The following LUZP2 variants were observed in gnomAD, a reference collection of about 807,000 sequenced individuals.
The protein encoded by LUZP2 is leucine zipper protein 2.
Under a neutral mutation model 51.6 loss-of-function variants are expected in LUZP2, and 52 were observed. That is an observed-to-expected ratio of 1.01 (90% CI 0.81 to 1.27). LUZP2 has a LOEUF of 1.27. Ranked by LOEUF, LUZP2 falls within the 50% of genes most tolerant of loss-of-function variation. The pLI, the probability that LUZP2 is intolerant of heterozygous loss-of-function variation, is 0.00. For synonymous variants in LUZP2, 154 were observed against 137.3 expected (o/e 1.12, Z -0.85); for missense variants, 436 against 395.4 (o/e 1.10, Z -0.87).
chr11:24,835,649 A>C (rs1434124425), intron 5 of LUZP2, among the ~76,000 whole-genome samples: 1 of 152,102 alleles, frequency 6.6e-6, no homozygotes, highest in Non-Finnish European at 1.5e-5. Flanking sequence ...TAAGAGACAA[A>C]AACAGACAGA....
chr11:24,528,133 T>C lies in LUZP2; in HGVS notation c.62+30828T>C, dbSNP rs80110476. Among the ~76,000 whole-genome samples the C allele has an allele frequency of 2.0e-3, 303 of 151,432 alleles. 10 individuals carry two copies. In the East Asian group the frequency reaches 0.051, roughly 26 times the overall value. ...CCCTTTTATAAAATTTCATGGATAA[T>C]TGAAAATATAAAAGGAAGTAAATAA... On this transcript the variant is annotated intron_variant, in intron 1 of 11. Coordinates refer to ENST00000336930, the MANE Select transcript of LUZP2 (RefSeq NM_001009909.4).
chr11:24,972,235 C>A (rs1855762241), intron 7 of LUZP2, among the ~76,000 whole-genome samples: 1 of 150,862 alleles, frequency 6.6e-6, no homozygotes, highest in Admixed American at 6.6e-5. Flanking sequence ...TTCTTCCTGC[C>A]CTGATACAAG....
intron 5 of LUZP2, among the ~76,000 whole-genome samples, chr11:24,861,556 G>A (rs912207363): frequency 3.2e-4 from 49 of 152,044 alleles, no homozygotes; most frequent in African/African-American, 3.4e-4. Flanking sequence ...CATAATTGCC[G>A]GGTCCGTCCC....
chr11:25,022,457 G>A (rs547848611), intron 9 of LUZP2, among the ~76,000 whole-genome samples: 2 of 152,138 alleles, frequency 1.3e-5, no homozygotes, highest in South Asian at 2.1e-4. Flanking sequence ...CATTAGGGTT[G>A]TGGAAATACT....
intron 5 of LUZP2, among the ~76,000 whole-genome samples, chr11:24,884,704 G>T (rs1357343780): frequency 6.6e-6 from 1 of 151,816 alleles, no homozygotes; most frequent in African/African-American, 2.4e-5. Context: ...TCCCCCTCTT[G>T]CCATTTCCTA....
At chr11:24,735,993 G>A (rs1220998173) in intron 3 of LUZP2, among the ~76,000 whole-genome samples, 3 of 151,922 alleles carry the variant, frequency 2.0e-5, no homozygotes, top group Non-Finnish European at 2.9e-5. Flanking sequence ...CTAGAAAGAA[G>A]GCAGAAGGAG....
At chr11:24,517,331 A>G (rs936090605) in intron 1 of LUZP2, among the ~76,000 whole-genome samples, 4 of 151,510 alleles carry the variant, frequency 2.6e-5, no homozygotes, top group Admixed American at 6.6e-5. Context: ...TAAACATACA[A>G]AAAGATTAGC....
At chr11:25,045,725 C>A (rs1211666351) in intron 9 of LUZP2, among the ~76,000 whole-genome samples, 2 of 152,080 alleles carry the variant, frequency 1.3e-5, no homozygotes, top group Non-Finnish European at 2.9e-5. Flanking sequence ...TGTTATTACT[C>A]TTTTGAGCTT....
chr11:24,939,036 T>C (rs1237773464), intron 7 of LUZP2, among the ~76,000 whole-genome samples: 1 of 152,128 alleles, frequency 6.6e-6, no homozygotes, highest in Non-Finnish European at 1.5e-5. Flanking sequence ...GCAATCTGAT[T>C]AATCAGATTT....
intron 9 of LUZP2, among the ~76,000 whole-genome samples, chr11:25,045,510 G>A (rs1858279008): frequency 1.3e-5 from 2 of 151,926 alleles, no homozygotes; most frequent in South Asian, 4.1e-4. Context: ...AATAAATTAT[G>A]GATAGATGAT....
intron 9 of LUZP2, among the ~76,000 whole-genome samples, chr11:25,023,806 T>A (rs1857409466): frequency 6.6e-6 from 1 of 152,216 alleles, no homozygotes; most frequent in African/African-American, 2.4e-5. Flanking sequence ...CTGCTTTAAA[T>A]GTGTCCCAGA....
intron 1 of LUZP2, among the ~76,000 whole-genome samples, chr11:24,660,753 C>T (rs975453340): frequency 6.6e-6 from 1 of 152,072 alleles, no homozygotes; most frequent in East Asian, 1.9e-4. Flanking sequence ...GTTTTTTTAA[C>T]CTGCTGGATG....
At chr11:24,598,639 A>G (rs1470058850) in intron 1 of LUZP2, among the ~76,000 whole-genome samples, 1 of 152,210 alleles carries the variant, frequency 6.6e-6, no homozygotes, top group African/African-American at 2.4e-5. Flanking sequence ...TAAGCTAATC[A>G]TATCCCGAGA....
At chr11:24,758,512 G>A (rs750693001) in intron 4 of LUZP2, among the ~76,000 whole-genome samples, 6 of 151,844 alleles carry the variant, frequency 4.0e-5, no homozygotes, top group Admixed American at 2.0e-4. Context: ...GAAGATTCTA[G>A]GTTAAATAAG....
chr11:25,070,533 G>A (rs1340751541), intron 10 of LUZP2, among the ~76,000 whole-genome samples: 1 of 110,610 alleles, frequency 9.0e-6, no homozygotes, highest in Non-Finnish European at 2.0e-5. Context: ...AACCTATCAA[G>A]AGGAGGTTGT....
At chr11:25,023,282 C>CT (rs530013960) in intron 9 of LUZP2, among the ~76,000 whole-genome samples, 3 of 150,922 alleles carry the variant, frequency 2.0e-5, no homozygotes, top group East Asian at 1.9e-4. Flanking sequence ...TAATCCCGGA[C>CT]TTTTTTTTTG....
At chr11:24,731,090 G>A (rs61875748) in intron 2 of LUZP2, among the ~76,000 whole-genome samples, 7,716 of 151,622 alleles carry the variant, frequency 0.051, 287 homozygotes, top group Middle Eastern at 0.11. Flanking sequence ...GATAACCTCA[G>A]CCAGTTACAG....
intron 5 of LUZP2, among the ~76,000 whole-genome samples, chr11:24,843,736 G>C (rs1451371587): frequency 6.6e-6 from 1 of 152,096 alleles, no homozygotes. Flanking sequence ...GAGGTGCCTG[G>C]TGAGAGGTGA....
At chr11:24,627,767 C>G (rs947174327) in intron 1 of LUZP2, among the ~76,000 whole-genome samples, 3 of 152,156 alleles carry the variant, frequency 2.0e-5, no homozygotes, top group Middle Eastern at 3.4e-3. Context: ...AATAAGGTAG[C>G]CTTACAAGGT....
Sources: gnomAD v4.1 joint callset for allele counts (sites outside exome capture counted in the v4.1 genomes callset) on GRCh38, gnomAD v4.1.1 for gene constraint, MANE v1.5 for transcripts, NCBI Gene and HGNC (gene_info 2026-07-23, HGNC 2026-07-21) for gene names.